The following SPART variants were observed in gnomAD, a reference collection of about 807,000 sequenced individuals.
SPART encodes spastic paraplegia 20 (Troyer syndrome).
In SPART, 35 loss-of-function variants were observed where a neutral mutation model predicts 58.7. The observed-to-expected ratio is 0.60, with a 90% CI of 0.46 to 0.79. The LOEUF (loss-of-function observed/expected upper bound fraction) is 0.79. Ranked by LOEUF, SPART falls within the 30% of genes least tolerant of loss-of-function variation. The pLI, the probability that SPART is intolerant of heterozygous loss-of-function variation, is 0.00. For missense variants in SPART, 730 were observed against 786.1 expected (o/e 0.93, Z 0.85); for synonymous variants, 284 against 280.7 (o/e 1.01, Z -0.12).
chr13:36,353,059 G>A (rs187482687), intron 1 of SPART, among the ~76,000 whole-genome samples: 58 of 152,306 alleles, frequency 3.8e-4, no homozygotes, highest in African/African-American at 1.2e-3. Context: ...TGCATTTGAG[G>A]TTGCTTTTGC....
chr13:36,336,647 T>C (rs980598697), intron 1 of SPART, among the ~76,000 whole-genome samples: 3 of 152,152 alleles, frequency 2.0e-5, no homozygotes, highest in African/African-American at 7.2e-5. Context: ...CTACTAAAGC[T>C]AAACACCCAC....
intron 5 of SPART, among the ~76,000 whole-genome samples, chr13:36,316,541 C>T (rs896682538): frequency 6.6e-6 from 1 of 152,116 alleles, no homozygotes; most frequent in East Asian, 1.9e-4. Context: ...CATCCTGGCT[C>T]AAAAAGCACC....
chr13:36,334,647 C>T (rs184755025), intron 2 of SPART, among the ~76,000 whole-genome samples: 3 of 152,254 alleles, frequency 2.0e-5, no homozygotes, highest in Admixed American at 6.5e-5. Flanking sequence ...TTCAGACCCT[C>T]AGCTGAGTCT....
Position 36,342,127 on chromosome 13 carries a change from T to G in SPART, c.-3+4098A>C, listed in dbSNP as rs531368454. Among the ~76,000 whole-genome samples, 4 of 152,334 alleles carry G rather than the reference T, an allele frequency of 2.6e-5. No individual in the cohort carries two copies. The East Asian group carries it at 5.8e-4, about 22-fold the overall frequency. On this transcript the variant is annotated intron_variant, in intron 1 of 8. Transcript: ENST00000438666. The stretch of plus-strand genomic sequence containing the variant: ...AACACTGTGACTTGGCACCCACTTT[T>G]GTGCTACATACGATAGGACACCACT...
At chr13:36,320,696 G>C (rs1593239617) in intron 5 of SPART, among the ~76,000 whole-genome samples, 1 of 152,278 alleles carries the variant, frequency 6.6e-6, no homozygotes, top group Non-Finnish European at 1.5e-5. Flanking sequence ...CCCCGAGTCA[G>C]ATAACTAAAA....
intron 5 of SPART, among the ~76,000 whole-genome samples, chr13:36,325,073 G>A (rs2137450620): frequency 6.6e-6 from 1 of 152,304 alleles, no homozygotes; most frequent in East Asian, 1.9e-4. Context: ...GGCCATCTGG[G>A]CATATACGTC....
chr13:36,331,919 A>C (rs1883500893), intron 2 of SPART, among the ~76,000 whole-genome samples: 1 of 152,216 alleles, frequency 6.6e-6, no homozygotes. Context: ...AAGTAAATTA[A>C]GGTTTTCGTT....
At chr13:36,314,480 T>C (rs1881477493) in intron 5 of SPART, 59 bp from the exon 6 acceptor site, 1 of 1,489,426 alleles carries the variant, frequency 6.7e-7, no homozygotes, top group Non-Finnish European at 9.4e-7. Flanking sequence ...TTTTGAACAC[T>C]TTAATAAATA....
intron 1 of SPART, among the ~76,000 whole-genome samples, chr13:36,362,490 A>T (rs1033793415): frequency 6.6e-6 from 1 of 152,180 alleles, no homozygotes; most frequent in Admixed American, 6.5e-5. Flanking sequence ...TTGTTAAGCA[A>T]CTTGTCCAGT....
chr13:36,314,329 G>T lies in SPART; in HGVS notation c.1381C>A (p.Gln461Lys), dbSNP rs2137334547. ...ACTTCCACGGGTTTTTCTTCTGGTT[G>T]AATCCGCTCTCGGAGTTTAGAAGCA... ...KGASKLRERI[Q>K]PEEKPVEVSP... The change falls in exon 6 of 9, where the codon CAA becomes AAA. Residue 461 changes from glutamine to lysine, a missense_variant. Gln to Lys is a moderately conservative substitution (Grantham distance 53). Transcript: ENST00000438666. 6.2e-7 allele frequency: 1 copy of T among 1,614,080 alleles called. No individual in the cohort carries two copies. The highest frequency in any genetic ancestry group is 8.5e-7 in the Non-Finnish European group (1 of 1,180,010).
At chr13:36,346,879 AG>A (rs1348652481), upstream of SPART, 2 of 152,208 alleles carry the variant, frequency 1.3e-5, no homozygotes, top group Non-Finnish European at 2.9e-5. Context: ...GAGACAATAA[AG>A]GCTGATTATC....
At chr13:36,355,791 T>G (rs1885600064) in intron 1 of SPART, among the ~76,000 whole-genome samples, 1 of 152,176 alleles carries the variant, frequency 6.6e-6, no homozygotes, top group South Asian at 2.1e-4. Flanking sequence ...TGACTCATTA[T>G]ATTAGGTTGG....
chr13:36,326,228 A>C, intron 5 of SPART: 1 of 330,546 alleles, frequency 3.0e-6, no homozygotes, highest in Admixed American at 4.5e-5. Flanking sequence ...CATTCAGACC[A>C]CAGCTGAGGG....
chr13:36,320,064 T>G (rs1032204588), intron 5 of SPART, among the ~76,000 whole-genome samples: 1 of 152,176 alleles, frequency 6.6e-6, no homozygotes, highest in Non-Finnish European at 1.5e-5. Flanking sequence ...GACCTTACTG[T>G]TTTAGCCTAG....
At chr13:36,359,019 AC>A (rs1031740775) in intron 1 of SPART, among the ~76,000 whole-genome samples, 1 of 152,198 alleles carries the variant, frequency 6.6e-6, no homozygotes, top group African/African-American at 2.4e-5. Context: ...CCCCCAATGA[AC>A]AAATAAGGTG....
intron 5 of SPART, among the ~76,000 whole-genome samples, chr13:36,317,507 C>G (rs1881847985): frequency 1.1e-5 from 1 of 91,518 alleles, no homozygotes; most frequent in Admixed American, 1.3e-4. Flanking sequence ...TTTCCGTGCC[C>G]CGACCCCTTA....
chr13:36,331,990 A>G lies in SPART; in HGVS notation c.811-394T>C, dbSNP rs114188909. ...TATTTTCAGATATTATTTACTTGAA[A>G]TATTTACTGAAATAATAGTATTTAC... On this transcript the variant is annotated intron_variant, in intron 2 of 8. Coordinates refer to ENST00000438666, the MANE Select transcript of SPART (RefSeq NM_015087.5). Among the ~76,000 whole-genome samples, 733 of 152,294 alleles carry G rather than the reference A, an allele frequency of 4.8e-3. 7 individuals are homozygous for G. Among genetic ancestry groups the G allele is most frequent in the African/African-American group, 0.017 (688 of 41,552 alleles).
chr13:36,332,151 C>A (rs1160313872), intron 2 of SPART, among the ~76,000 whole-genome samples: 2 of 152,156 alleles, frequency 1.3e-5, no homozygotes, highest in Non-Finnish European at 2.9e-5. Flanking sequence ...GATTTTAACA[C>A]ATATAGTCTG....
At chr13:36,355,841 A>C (rs1407251052) in intron 1 of SPART, among the ~76,000 whole-genome samples, 3 of 46,684 alleles carry the variant, frequency 6.4e-5, no homozygotes, top group South Asian at 5.9e-4. Context: ...AAGTAATGGC[A>C]AAAAAAACCC....
Sources: allele counts gnomAD v4.1 joint callset (sites outside exome capture counted in the v4.1 genomes callset), GRCh38; gene constraint gnomAD v4.1.1; transcripts MANE v1.5; gene names NCBI Gene and HGNC (gene_info 2026-07-23, HGNC 2026-07-21).